INSYN2B: variants seen among roughly 807,000 people sequenced by gnomAD.
INSYN2B encodes protein INSYN2B.
INSYN2B carries 16 observed loss-of-function variants against 41.2 expected under a neutral mutation model. The observed-to-expected ratio is 0.39, with a 90% CI of 0.26 to 0.59. The LOEUF (loss-of-function observed/expected upper bound fraction) is 0.59. INSYN2B is among the 20% of genes least tolerant of loss of function. The pLI is 0.57. For missense variants in INSYN2B, 608 were observed against 646.4 expected (o/e 0.94, Z 0.64); for synonymous variants, 245 against 244.4 (o/e 1.00, Z -0.02).
chr5:169,942,298 A>C (rs1171723478), intron 1 of INSYN2B, among the ~76,000 whole-genome samples: 2 of 152,172 alleles, frequency 1.3e-5, no homozygotes, highest in Admixed American at 1.3e-4. Context: ...GACTTCTCTG[A>C]ATCATGAAGT....
chr5:169,897,896 C>T (rs955357510), intron 1 of INSYN2B, among the ~76,000 whole-genome samples: 2 of 152,160 alleles, frequency 1.3e-5, no homozygotes, highest in African/African-American at 2.4e-5. Context: ...CTCCCTTGAA[C>T]GCAGATGAAC....
intron 1 of INSYN2B, among the ~76,000 whole-genome samples, chr5:169,906,446 T>G (rs1774284913): frequency 6.6e-6 from 1 of 152,200 alleles, no homozygotes; most frequent in Non-Finnish European, 1.5e-5. Context: ...AGGAGCAAAC[T>G]GAGATTTTTA....
At position 169,965,393 on chromosome 5, in the gene INSYN2B, T is replaced by C. The variant is rs534545621; in HGVS notation, c.-919+14884A>G. The stretch of plus-strand genomic sequence containing the variant: ...TAGACACTCCTTTGCATTATGTCAC[T>C]TATTGCTTGCAAAACATTATGGGAT... On this transcript the variant is annotated intron_variant, in intron 1 of 3. Transcript: ENST00000377365. 3.3e-4 allele frequency among the ~76,000 whole-genome samples: 50 copies of C among 152,376 alleles called. No homozygotes were observed. In the South Asian group the frequency reaches 6.2e-3, roughly 19 times the overall value.
intron 1 of INSYN2B, among the ~76,000 whole-genome samples, chr5:169,944,190 C>G (rs896241103): frequency 1.1e-4 from 16 of 152,230 alleles, no homozygotes; most frequent in African/African-American, 3.9e-4. Context: ...AAAGGCCCTG[C>G]CTTTGAGTGC....
In INSYN2B at chr5:169,885,315, C is replaced by T. The variant is rs538640243; in HGVS notation, c.-918-499G>A. Among the ~76,000 whole-genome samples the T allele has an allele frequency of 7.9e-5, 12 of 152,328 alleles. No individual in the cohort carries two copies. The South Asian group carries it at 1.7e-3, about 21-fold the overall frequency. On this transcript the variant is annotated intron_variant, in intron 1 of 3. Coordinates refer to ENST00000377365, the MANE Select transcript of INSYN2B (RefSeq NM_001129891.3). ...ATTCACTGCTTGAGCATTCCTAGCC[C>T]TCTTTCTGGCTCACTATAGGTGCTT...
chr5:169,972,621 T>C (rs557191090), intron 1 of INSYN2B, among the ~76,000 whole-genome samples: 2 of 124,480 alleles, frequency 1.6e-5, no homozygotes, highest in East Asian at 2.1e-4. Flanking sequence ...GATAGATAGA[T>C]AGATAGATGA....
At chr5:169,969,244 A>G (rs1241506496) in intron 1 of INSYN2B, among the ~76,000 whole-genome samples, 2 of 152,154 alleles carry the variant, frequency 1.3e-5, no homozygotes, top group East Asian at 3.9e-4. Context: ...CAGGAGCTCA[A>G]GAACAGCTTG....
At chr5:169,979,063 CTAGG>C (rs1418492335) in intron 1 of INSYN2B, among the ~76,000 whole-genome samples, 1 of 152,128 alleles carries the variant, frequency 6.6e-6, no homozygotes, top group Non-Finnish European at 1.5e-5. Context: ...TGCCTCATTC[CTAGG>C]TAGTAAATAT....
intron 1 of INSYN2B, among the ~76,000 whole-genome samples, chr5:169,956,272 A>C (rs1214176726): frequency 6.6e-6 from 1 of 152,266 alleles, no homozygotes; most frequent in Non-Finnish European, 1.5e-5. Flanking sequence ...CAAGAAGAAC[A>C]TTCTCAGAGA....
At position 169,883,416 on chromosome 5, in the gene INSYN2B, A is replaced by C. The variant is rs1469548147; in HGVS notation, c.483T>G (p.Pro161=). ...ATGCATGGGACACCTTGACCCTTCGAGGCCCATCCTCAAGATGCTGAGCCA... is the reference window on the plus strand; with the variant it reads ...ATGCATGGGACACCTTGACCCTTCGCGGCCCATCCTCAAGATGCTGAGCCA... ...LRLAQHLEDG[P]RRVKVSHAFL... is the part of the protein sequence containing the mutation. Residue 161 remains proline, a synonymous_variant, in exon 2 of 4, where the codon CCT becomes CCG. Coordinates refer to ENST00000377365, the MANE Select transcript of INSYN2B (RefSeq NM_001129891.3). 6.4e-7 allele frequency: 1 copy of C among 1,551,572 alleles called. No individual in the cohort carries two copies. The highest frequency in any genetic ancestry group is 1.2e-5 in the South Asian group (1 of 84,070).
chr5:169,888,670 G>C (rs1214566534), intron 1 of INSYN2B, among the ~76,000 whole-genome samples: 1 of 152,178 alleles, frequency 6.6e-6, no homozygotes, highest in African/African-American at 2.4e-5. Flanking sequence ...ACGTAGATGA[G>C]ACTCTTCCAC....
chr5:169,933,911 A>G (rs1466339209), intron 1 of INSYN2B, among the ~76,000 whole-genome samples: 1 of 152,192 alleles, frequency 6.6e-6, no homozygotes, highest in South Asian at 2.1e-4. Context: ...TGAACAAACT[A>G]CTGGTGTCGC....
At chr5:169,977,084 C>T (rs9313476) in intron 1 of INSYN2B, among the ~76,000 whole-genome samples, 45,082 of 152,088 alleles carry the variant, frequency 0.3, 7,464 homozygotes, top group Middle Eastern at 0.39. Flanking sequence ...ACTAAGTTTT[C>T]GATGAAGACA....
At chr5:169,909,307 T>C (rs1774462106) in intron 1 of INSYN2B, among the ~76,000 whole-genome samples, 2 of 152,232 alleles carry the variant, frequency 1.3e-5, no homozygotes, top group South Asian at 4.1e-4. Context: ...GTGGCTACCA[T>C]GTTCAACAGT....
intron 1 of INSYN2B, among the ~76,000 whole-genome samples, chr5:169,951,691 C>T (rs1035706382): frequency 3.3e-5 from 5 of 152,190 alleles, no homozygotes; most frequent in African/African-American, 1.2e-4. Flanking sequence ...TAATTTTGAG[C>T]TTCTGTTATA....
chr5:169,913,528 A>G (rs534650024), intron 1 of INSYN2B, among the ~76,000 whole-genome samples: 22 of 152,364 alleles, frequency 1.4e-4, no homozygotes, highest in Non-Finnish European at 2.8e-4. Flanking sequence ...GTTTAAATGC[A>G]TTACTCAAAA....
chr5:169,927,806 T>A (rs1405467094), intron 1 of INSYN2B, among the ~76,000 whole-genome samples: 3 of 152,116 alleles, frequency 2.0e-5, no homozygotes, highest in Non-Finnish European at 1.5e-5. Flanking sequence ...TTAGTAGAGA[T>A]GGGGTTTCAC....
rs1172672525 is a variant in INSYN2B, at chr5:169,884,299, G to A, written c.-401C>T. ...CAACAAAAGTACCATTTAGGGGGTA[G>A]TGCCAGACTCCCAATGAGTGAATTC... On this transcript the variant is annotated 5_prime_UTR_variant, in exon 2 of 4. Coordinates refer to ENST00000377365, the MANE Select transcript of INSYN2B (RefSeq NM_001129891.3). 1 of 160,270 alleles carries A rather than the reference G, an allele frequency of 6.2e-6. No homozygotes were observed. 9.9% of individuals were successfully genotyped at this position (160,270 alleles called of 1,614,324 possible).
chr5:169,921,086 C>T (rs1282595619), intron 1 of INSYN2B, among the ~76,000 whole-genome samples: 1 of 152,156 alleles, frequency 6.6e-6, no homozygotes, highest in Non-Finnish European at 1.5e-5. Flanking sequence ...GTCTCAATCC[C>T]AGTGTTTTGC....
Sources: allele counts gnomAD v4.1 joint callset (sites outside exome capture counted in the v4.1 genomes callset), GRCh38; gene constraint gnomAD v4.1.1; transcripts MANE v1.5; gene names NCBI Gene and HGNC (gene_info 2026-07-23, HGNC 2026-07-21).